Variants in AMPH observed in about 807,000 individuals in gnomAD.
AMPH encodes amphiphysin.
A neutral mutation model predicts 99.1 loss-of-function variants in AMPH; 49 were observed. That is an observed-to-expected ratio of 0.49 (90% CI 0.39 to 0.63). AMPH has a LOEUF of 0.63. Among genes scored for constraint, AMPH ranks in the 20% least tolerant of loss-of-function variants. The pLI, the probability that AMPH is intolerant of heterozygous loss-of-function variation, is 0.00. For synonymous variants in AMPH, 314 were observed against 317.3 expected, an observed-to-expected ratio of 0.99 and a Z score of 0.11; for missense variants, 759 against 863.4, an observed-to-expected ratio of 0.88 and a Z score of 1.52.
intron 14 of AMPH, chr7:38,427,936 G>A (rs765303712): frequency 2.2e-5 from 10 of 456,474 alleles, no homozygotes; most frequent in East Asian, 6.9e-5. Context: ...TCCTGGTCTC[G>A]GGAACTAGCA....
At chr7:38,578,849 T>TGGTTTAAA (rs914310346) in intron 1 of AMPH, among the ~76,000 whole-genome samples, 16 of 152,252 alleles carry the variant, frequency 1.1e-4, no homozygotes, top group African/African-American at 3.6e-4. Flanking sequence ...GACATTTTAA[T>TGGTTTAAA]GGTTTTTTCT....
chr7:38,461,556 G>A, intron 10 of AMPH, 145 bp from the exon 11 acceptor site: 7 of 974,012 alleles, frequency 7.2e-6, no homozygotes, highest in Non-Finnish European at 9.1e-6. Context: ...ATCTGATACA[G>A]GTAAAGAATG....
At chr7:38,541,101 T>C (rs1790794366) in intron 1 of AMPH, among the ~76,000 whole-genome samples, 1 of 147,744 alleles carries the variant, frequency 6.8e-6, no homozygotes, top group Non-Finnish European at 1.5e-5. Flanking sequence ...GTAAACTAAA[T>C]CAGAAGGCCA....
At chr7:38,503,505 G>GGT in intron 3 of AMPH, 145 bp downstream of exon 3, 1 of 495,166 alleles carries the variant, frequency 2.0e-6, no homozygotes, top group Non-Finnish European at 3.3e-6. Flanking sequence ...CGGGGGGGTG[G>GGT]GTGGTGGAAT....
intron 11 of AMPH, among the ~76,000 whole-genome samples, chr7:38,440,959 A>G (rs1284989532): frequency 6.6e-6 from 1 of 152,128 alleles, no homozygotes; most frequent in African/African-American, 2.4e-5. Flanking sequence ...AAATCATGCA[A>G]TTAAAAGGCA....
rs550655031 is a variant in AMPH, at chr7:38,583,680, G to C, written c.69+47603C>G. On this transcript the variant is annotated intron_variant, in intron 1 of 20. Coordinates refer to ENST00000356264, the MANE Select transcript of AMPH (RefSeq NM_001635.4). ...TAAGAATACTAAAGAAAATAAAGCA[G>C]AGCCCCTGCCCCCAGGGAAGCTCAC... 8.5e-5 allele frequency among the ~76,000 whole-genome samples: 13 copies of C among 152,308 alleles called. No homozygotes were observed. The South Asian group carries it at 2.3e-3, about 27-fold the overall frequency.
intron 1 of AMPH, among the ~76,000 whole-genome samples, chr7:38,598,755 A>T (rs368323440): frequency 1.1e-4 from 17 of 152,180 alleles, no homozygotes; most frequent in African/African-American, 3.9e-4. Flanking sequence ...TTATTTTATT[A>T]GCCTTTTCAA....
chr7:38,384,001 G>C lies in AMPH; in HGVS notation c.*817C>G, dbSNP rs1784284250. ...TACCTCCAGCCACAGCGGCTGGACA[G>C]CTAGATAAATCAGGCCCTGCCTTCT... is the stretch of plus-strand genomic sequence containing the variant. On this transcript the variant is annotated 3_prime_UTR_variant, in exon 21 of 21. Coordinates refer to ENST00000356264, the MANE Select transcript of AMPH (RefSeq NM_001635.4). The C allele has an allele frequency of 6.6e-6, 1 of 152,612 alleles. No individual in the cohort carries two copies. The highest frequency in any genetic ancestry group is 1.5e-5 in the Non-Finnish European group (1 of 68,070). 9.5% of individuals were successfully genotyped at this position (152,612 alleles called of 1,614,324 possible).
At chr7:38,566,238 ATGT>A (rs1241765844) in intron 1 of AMPH, among the ~76,000 whole-genome samples, 1 of 152,134 alleles carries the variant, frequency 6.6e-6, no homozygotes, top group East Asian at 1.9e-4. Context: ...TCTCATCCTA[ATGT>A]TGTCAGGCTA....
chr7:38,614,759 C>T (rs1793815376), intron 1 of AMPH, among the ~76,000 whole-genome samples: 1 of 152,190 alleles, frequency 6.6e-6, no homozygotes, highest in Non-Finnish European at 1.5e-5. Flanking sequence ...GTAGAAGTGC[C>T]TCTTTCCCAG....
intron 1 of AMPH, among the ~76,000 whole-genome samples, chr7:38,630,233 T>C (rs1231467769): frequency 1.5e-4 from 23 of 152,200 alleles, no homozygotes; most frequent in Admixed American, 1.5e-3. Context: ...ATGGGGCTCA[T>C]TAGCCGGTGT....
chr7:38,601,677 G>C (rs1271251787), intron 1 of AMPH, among the ~76,000 whole-genome samples: 2 of 152,162 alleles, frequency 1.3e-5, no homozygotes, highest in African/African-American at 4.8e-5. Flanking sequence ...TAATGGAATG[G>C]AAAGACTAGG....
At chr7:38,558,112 C>T (rs1306863071) in intron 1 of AMPH, among the ~76,000 whole-genome samples, 1 of 152,148 alleles carries the variant, frequency 6.6e-6, no homozygotes, top group Non-Finnish European at 1.5e-5. Context: ...AAAGTAACCA[C>T]AAAGCTGCCT....
At chr7:38,622,835 C>T (rs542093166) in intron 1 of AMPH, among the ~76,000 whole-genome samples, 1 of 152,220 alleles carries the variant, frequency 6.6e-6, no homozygotes, top group African/African-American at 2.4e-5. Context: ...GTAAAGAGCT[C>T]ACATATGTGG....
At chr7:38,445,581 C>T (rs540907518) in intron 11 of AMPH, among the ~76,000 whole-genome samples, 83 of 152,048 alleles carry the variant, frequency 5.5e-4, no homozygotes, top group Admixed American at 4.7e-3. Context: ...AATAAATACA[C>T]GAGAAAAAGT....
intron 2 of AMPH, 134 bp from the exon 3 acceptor site, chr7:38,503,838 C>G: frequency 1.2e-6 from 1 of 834,332 alleles, no homozygotes; most frequent in Non-Finnish European, 1.9e-6. Context: ...TGGACACAGA[C>G]TAAACAAGGC....
chr7:38,610,208 C>T (rs2129065168), intron 1 of AMPH, among the ~76,000 whole-genome samples: 1 of 126,712 alleles, frequency 7.9e-6, no homozygotes, highest in Non-Finnish European at 1.6e-5. Flanking sequence ...TGCACTCCAG[C>T]CCGGGCAACA....
At chr7:38,587,963 TGAGA>T (rs1348717697) in intron 1 of AMPH, among the ~76,000 whole-genome samples, 21 of 151,314 alleles carry the variant, frequency 1.4e-4, no homozygotes, top group East Asian at 1.9e-4. Context: ...CGTGTGTGTG[TGAGA>T]GAGAGATAGG....
chr7:38,510,672 G>T (rs1789503511), intron 2 of AMPH, among the ~76,000 whole-genome samples: 1 of 152,134 alleles, frequency 6.6e-6, no homozygotes, highest in Admixed American at 6.5e-5. Context: ...CAGGCAGGCT[G>T]AGTTATTTTA....
Sources: gnomAD v4.1 joint callset for allele counts (sites outside exome capture counted in the v4.1 genomes callset) on GRCh38, gnomAD v4.1.1 for gene constraint, MANE v1.5 for transcripts, NCBI Gene and HGNC (gene_info 2026-07-23, HGNC 2026-07-21) for gene names.